PGAP4: variants seen among roughly 807,000 people sequenced by gnomAD.
PGAP4 encodes the protein GPI-N-acetylgalactosamine transferase PGAP4.
A neutral mutation model predicts 28.2 loss-of-function variants in PGAP4; 12 were observed. The ratio of observed to expected loss-of-function variants is 0.42; its 90% confidence interval spans 0.27 to 0.69. PGAP4 has a LOEUF of 0.69. Among genes scored for constraint, PGAP4 ranks in the 30% least tolerant of loss-of-function variants. PGAP4 has a pLI of 0.22. For missense variants in PGAP4, 425 were observed against 513.5 expected, an observed-to-expected ratio of 0.83 and a Z score of 1.67; for synonymous variants, 205 against 211.8, an observed-to-expected ratio of 0.97 and a Z score of 0.28.
chr9:101,482,066 G>A (rs555720559), intron 1 of PGAP4, among the ~76,000 whole-genome samples: 42 of 152,142 alleles, frequency 2.8e-4, no homozygotes, highest in African/African-American at 8.2e-4. Flanking sequence ...TCCAATTCTC[G>A]TCCCAACACT....
At chr9:101,514,651 T>C (rs1291971012) in intron 2 of PGAP4, among the ~76,000 whole-genome samples, 1 of 152,094 alleles carries the variant, frequency 6.6e-6, no homozygotes, top group Non-Finnish European at 1.5e-5. Flanking sequence ...TGAAATGCTA[T>C]GGCTTTTCTT....
Position 101,526,508 on chromosome 9 carries a change from G to A in PGAP4, c.-165+4840C>T, listed in dbSNP as rs145492397. On this transcript the variant is annotated intron_variant, in intron 2 of 3. Transcript: ENST00000374851. Reference sequence around the variant, plus strand: ...TCTCTCGCCCAGGCTGGAGAGCAGTGGCATGATCTTGGATCACTGCAACCT... The same window carrying A: ...TCTCTCGCCCAGGCTGGAGAGCAGTAGCATGATCTTGGATCACTGCAACCT... Among the ~76,000 whole-genome samples the A allele has an allele frequency of 7.9e-5, 12 of 152,186 alleles. No homozygotes were observed. In the East Asian group the frequency reaches 2.3e-3, roughly 29 times the overall value.
rs549802602 is a variant in PGAP4, at chr9:101,476,073, C to T, written c.1020G>A (p.Pro340=). Residue 340 remains proline, a synonymous_variant, in exon 2 of 2, where the codon CCG becomes CCA. Transcript: ENST00000374848. This position sits in a 1 kb window ranked among gnomAD's most constrained non-coding sequence, Gnocchi z 7.0. ...TGAGGGTCCGGCGGGCCGCAGGTGCCGGGAAGAGCATGGCTGGGGTGCAAC... is the reference window on the plus strand; with the variant it reads ...TGAGGGTCCGGCGGGCCGCAGGTGCTGGGAAGAGCATGGCTGGGGTGCAAC... ...SQCCTPAMLF[P]APAARRTLTY... The T allele has an allele frequency of 2.7e-5, 43 of 1,613,980 alleles. No individual in the cohort carries two copies. Among genetic ancestry groups the T allele is most frequent in the African/African-American group, 2.1e-4 (16 of 74,894 alleles).
chr9:101,501,996 C>T (rs1826806487), intron 2 of PGAP4: 1 of 239,460 alleles, frequency 4.2e-6, no homozygotes, highest in Admixed American at 4.7e-5. Context: ...AAGACACCTA[C>T]ACAGATAAAA....
At chr9:101,479,466 C>G (rs1370729864) in intron 1 of PGAP4, among the ~76,000 whole-genome samples, 3 of 152,186 alleles carry the variant, frequency 2.0e-5, no homozygotes, top group Non-Finnish European at 4.4e-5. Context: ...CTATCACTTA[C>G]TATGATATGT....
chr9:101,519,979 C>T (rs1588210246), intron 2 of PGAP4, among the ~76,000 whole-genome samples: 1 of 152,098 alleles, frequency 6.6e-6, no homozygotes, highest in Non-Finnish European at 1.5e-5. Context: ...AATAGAGTGT[C>T]CTTTCCCTGC....
intron 2 of PGAP4, among the ~76,000 whole-genome samples, chr9:101,492,680 C>T (rs1826701710): frequency 6.6e-6 from 1 of 152,040 alleles, no homozygotes; most frequent in African/African-American, 2.4e-5. Context: ...GTAGCTGCTA[C>T]TATCTCTGTT....
upstream of PGAP4, chr9:101,489,023 T>C (rs1415472406): frequency 6.6e-6 from 1 of 152,190 alleles, no homozygotes; most frequent in Admixed American, 6.5e-5. Flanking sequence ...ACTTCCCTAG[T>C]ACTTTCTATG....
chr9:101,478,277 C>A (rs1374399158), intron 1 of PGAP4, among the ~76,000 whole-genome samples: 1 of 151,960 alleles, frequency 6.6e-6, no homozygotes, highest in Non-Finnish European at 1.5e-5. Flanking sequence ...CAGACTAGTG[C>A]CAAAAAACAG....
At chr9:101,493,607 G>A (rs1370856070) in intron 2 of PGAP4, among the ~76,000 whole-genome samples, 2 of 152,144 alleles carry the variant, frequency 1.3e-5, no homozygotes, top group African/African-American at 4.8e-5. Flanking sequence ...CTTGCCAAGT[G>A]AAAAAGGTAG....
intron 2 of PGAP4, among the ~76,000 whole-genome samples, chr9:101,527,878 T>C (rs1343972155): frequency 1.3e-5 from 2 of 152,172 alleles, no homozygotes; most frequent in Admixed American, 6.5e-5. Context: ...ATGGATTCTT[T>C]AGAATTTAGT....
At chr9:101,532,184 T>C (rs762544914) in intron 1 of PGAP4, among the ~76,000 whole-genome samples, 1 of 151,850 alleles carries the variant, frequency 6.6e-6, no homozygotes, top group African/African-American at 2.4e-5. Flanking sequence ...GCATGGGAAT[T>C]GCTTGAACCT....
chr9:101,476,457 G>A lies in PGAP4; in HGVS notation c.636C>T (p.Asp212=), dbSNP rs147343270. Residue 212 remains aspartate, a synonymous_variant, in exon 2 of 2, where the codon GAC becomes GAT. Coordinates refer to ENST00000374848, the MANE Select transcript of PGAP4 (RefSeq NM_032342.3). The surrounding 1 kb of genome is among the most constrained non-coding windows in gnomAD (Gnocchi z 7.0). ...YNPDYVLMVE[D]DAVPEEQIFP... ...AGATCTGCTCTTCTGGTACAGCATCGTCTTCTACCATCAGGACGTAGTCTG... is the reference window on the plus strand; with the variant it reads ...AGATCTGCTCTTCTGGTACAGCATCATCTTCTACCATCAGGACGTAGTCTG... 1.1e-5 allele frequency: 17 copies of A among 1,614,008 alleles called. No individual in the cohort carries two copies. Among genetic ancestry groups the A allele is most frequent in the African/African-American group, 2.7e-5 (2 of 74,894 alleles).
upstream of PGAP4, among the ~76,000 whole-genome samples, chr9:101,490,478 C>G (rs1826676732): frequency 1.3e-5 from 2 of 152,232 alleles, no homozygotes; most frequent in African/African-American, 4.8e-5. Flanking sequence ...GCGTGAGCCA[C>G]TGCGCTCAGC....
intron 2 of PGAP4, among the ~76,000 whole-genome samples, chr9:101,530,536 C>G (rs1263638301): frequency 6.6e-6 from 1 of 152,036 alleles, no homozygotes; most frequent in Non-Finnish European, 1.5e-5. Context: ...TGCTGTTTTC[C>G]CATTTATAAG....
upstream of PGAP4, among the ~76,000 whole-genome samples, chr9:101,490,091 C>T (rs186244421): frequency 1.8e-3 from 275 of 152,280 alleles, 2 homozygotes; most frequent in African/African-American, 6.0e-3. Context: ...ATTGCACATT[C>T]CCCTTTCTGC....
rs1826222731 is a variant in PGAP4, at chr9:101,473,865, G to C, written c.*2016C>G. The C allele has an allele frequency of 6.6e-6, 1 of 152,206 alleles. No individual in the cohort carries two copies. The highest frequency in any genetic ancestry group is 1.5e-5 in the Non-Finnish European group (1 of 68,094). 9.4% of individuals were successfully genotyped at this position (152,206 alleles called of 1,614,324 possible). A position where few individuals can be genotyped will look rare whatever the true frequency, so the allele number is the denominator to read the frequency against. On this transcript the variant is annotated 3_prime_UTR_variant, in exon 2 of 2. Transcript: ENST00000374848. ...TGGGGGTAGACAGGTCACTGAGAGA[G>C]GAGGAATGAAGGAGTGGGATCTGAA... is the stretch of plus-strand genomic sequence containing the variant.
chr9:101,481,031 G>C (rs866663462), intron 1 of PGAP4, among the ~76,000 whole-genome samples: 2 of 152,062 alleles, frequency 1.3e-5, no homozygotes, highest in Non-Finnish European at 2.9e-5. Flanking sequence ...ACAAAAATTA[G>C]CCAGGCATGG....
At chr9:101,512,398 T>A (rs1429925808) in intron 2 of PGAP4, among the ~76,000 whole-genome samples, 2 of 152,180 alleles carry the variant, frequency 1.3e-5, no homozygotes, top group Non-Finnish European at 2.9e-5. Flanking sequence ...TGAAGTAACC[T>A]GATGTTAACC....
Sources: allele counts gnomAD v4.1 joint callset (sites outside exome capture counted in the v4.1 genomes callset), GRCh38; gene constraint gnomAD v4.1.1; non-coding constraint Gnocchi (gnomAD v3.1); transcripts MANE v1.5; gene names NCBI Gene and HGNC (gene_info 2026-07-23, HGNC 2026-07-21).